Variants in RTN4 observed in about 807,000 individuals in gnomAD.
The protein encoded by RTN4 is reticulon 4.
In RTN4, 32 loss-of-function variants were observed where a neutral mutation model predicts 90.4. The ratio of observed to expected loss-of-function variants is 0.35; its 90% CI spans 0.27 to 0.48. RTN4 has a LOEUF of 0.48. Among genes scored for constraint, RTN4 ranks in the 20% least tolerant of loss-of-function variants. The pLI, the probability that RTN4 is intolerant of heterozygous loss-of-function variation, is 0.99. For missense variants in RTN4, 1,706 were observed against 1,430.2 expected, an observed-to-expected ratio of 1.19 and a Z score of -3.11; for synonymous variants, 629 against 552.5, an observed-to-expected ratio of 1.14 and a Z score of -1.94.
chr2:55,087,312 G>A (rs1668858761), intron 1 of RTN4, among the ~76,000 whole-genome samples: 1 of 152,144 alleles, frequency 6.6e-6, no homozygotes, highest in African/African-American at 2.4e-5. Flanking sequence ...AAGTGGTTGT[G>A]CTAATTTGTA....
chr2:54,987,920 A>G (rs1229647490), intron 3 of RTN4, among the ~76,000 whole-genome samples: 3 of 152,214 alleles, frequency 2.0e-5, no homozygotes, highest in African/African-American at 7.2e-5. Flanking sequence ...AATGTTTTTT[A>G]TTCAAATTTA....
At chr2:55,036,687 C>T (rs542450760) in intron 1 of RTN4, among the ~76,000 whole-genome samples, 53 of 151,204 alleles carry the variant, frequency 3.5e-4, no homozygotes, top group Non-Finnish European at 6.2e-4. Flanking sequence ...AACAACAGCC[C>T]GAAAAGGAAA....
At position 55,025,540 on chromosome 2, in the gene RTN4, T is replaced by C; in HGVS notation, c.2559A>G (p.Ile853Met). 1 of 1,613,796 alleles carries C rather than the reference T, an allele frequency of 6.2e-7. No individual in the cohort carries two copies. Among genetic ancestry groups the C allele is most frequent in the Non-Finnish European group, 8.5e-7 (1 of 1,179,844 alleles). Reference sequence around the variant, plus strand: ...AATCTGAAAACGTTTCAGTTTCTCTTATCTGTGCTTCCTTAGAAATAAATA... The same window carrying C: ...AATCTGAAAACGTTTCAGTTTCTCTCATCTGTGCTTCCTTAGAAATAAATA... ...DDLFISKEAQ[I>M]RETETFSDSS... The change falls in exon 3 of 9, where the codon ATA (isoleucine) becomes ATG (methionine). Residue 853 changes from isoleucine (I) to methionine (M), a missense_variant. Physicochemically the swap from Ile to Met is conservative, Grantham distance 10 (BLOSUM62 1). Transcript: ENST00000337526.
chr2:55,051,772 G>A (rs1668095082), upstream of RTN4, among the ~76,000 whole-genome samples: 1 of 152,188 alleles, frequency 6.6e-6, no homozygotes, highest in African/African-American at 2.4e-5. Flanking sequence ...CCTCCGAAAT[G>A]TAAAATATCT....
intron 5 of RTN4, among the ~76,000 whole-genome samples, chr2:54,980,695 C>A (rs1477231461): frequency 1.1e-4 from 17 of 152,032 alleles, no homozygotes; most frequent in Admixed American, 1.1e-3. Context: ...CTCTCCCCCA[C>A]CAATCTTTGA....
the RTN4 span, among the ~76,000 whole-genome samples, chr2:55,118,134 C>T: frequency 6.6e-6 from 1 of 152,010 alleles, no homozygotes; most frequent in African/African-American, 2.4e-5. Context: ...TGGATAGCAC[C>T]GATCTAGTCT....
intron 2 of RTN4, among the ~76,000 whole-genome samples, chr2:55,057,533 C>T (rs559310973): frequency 1.3e-5 from 2 of 152,260 alleles, no homozygotes; most frequent in African/African-American, 4.8e-5. Flanking sequence ...AATAAGGTCA[C>T]ATAGCTAAGG....
chr2:55,020,821 C>T (rs1458487789), intron 3 of RTN4, among the ~76,000 whole-genome samples: 4 of 151,990 alleles, frequency 2.6e-5, no homozygotes, highest in African/African-American at 9.7e-5. Context: ...CCAGCCTAGG[C>T]AACAAGGCAA....
At chr2:55,048,440 A>T (rs1261854583) in intron 1 of RTN4, among the ~76,000 whole-genome samples, 1 of 152,234 alleles carries the variant, frequency 6.6e-6, no homozygotes, top group East Asian at 1.9e-4. Context: ...CTTAAAACAC[A>T]AACACATTTT....
chr2:55,069,709 A>G (rs1276204443), intron 2 of RTN4, among the ~76,000 whole-genome samples: 1 of 152,186 alleles, frequency 6.6e-6, no homozygotes, highest in African/African-American at 2.4e-5. Context: ...GAGAGGCCCA[A>G]CCGACATTCC....
intron 1 of RTN4, among the ~76,000 whole-genome samples, chr2:55,101,575 GAACA>G (rs1667852895): frequency 6.6e-6 from 1 of 152,026 alleles, no homozygotes; most frequent in Non-Finnish European, 1.5e-5. Flanking sequence ...GAAATCTTTA[GAACA>G]ATCAACAAAC....
At chr2:55,110,678 T>C (rs1668022336) in intron 1 of RTN4, among the ~76,000 whole-genome samples, 1 of 152,178 alleles carries the variant, frequency 6.6e-6, no homozygotes, top group Non-Finnish European at 1.5e-5. Context: ...TAAATAAATG[T>C]CAAGGGTGTT....
intron 1 of RTN4, among the ~76,000 whole-genome samples, chr2:55,045,216 T>C (rs1266654852): frequency 6.6e-6 from 1 of 152,206 alleles, no homozygotes; most frequent in Non-Finnish European, 1.5e-5. Context: ...TCATGGCAAT[T>C]AAATTTTGGC....
At chr2:54,999,204 A>C (rs1428343458) in intron 3 of RTN4, among the ~76,000 whole-genome samples, 1 of 152,244 alleles carries the variant, frequency 6.6e-6, no homozygotes, top group Non-Finnish European at 1.5e-5. Context: ...TTATCAAAAT[A>C]AAATTTTAAT....
intron 2 of RTN4, among the ~76,000 whole-genome samples, chr2:55,069,305 C>G (rs529909882): frequency 6.6e-6 from 1 of 152,230 alleles, no homozygotes; most frequent in East Asian, 1.9e-4. Context: ...AAAAGTAATG[C>G]TTCTCATCCA....
At chr2:54,973,347 G>T in intron 8 of RTN4, 149 bp from the exon 9 acceptor site, 1 of 845,986 alleles carries the variant, frequency 1.2e-6, no homozygotes, top group Non-Finnish European at 1.9e-6. Context: ...TTGCCACCTT[G>T]GCCTCATGAA....
intron 1 of RTN4, among the ~76,000 whole-genome samples, chr2:55,094,944 C>T (rs73936831): frequency 0.031 from 4,699 of 152,160 alleles, 205 homozygotes; most frequent in African/African-American, 0.097. Flanking sequence ...CCATGGTTTC[C>T]GAGTGACCTC....
intron 3 of RTN4, 139 bp from the exon 4 acceptor site, chr2:54,987,837 CTAACTT>C: frequency 1.5e-6 from 1 of 687,674 alleles, no homozygotes; most frequent in South Asian, 1.9e-5. Flanking sequence ...TAAAGAAACA[CTAACTT>C]TATAACCCAC....
intron 1 of RTN4, chr2:55,049,181 C>A: frequency 1.0e-6 from 1 of 986,544 alleles, no homozygotes; most frequent in Non-Finnish European, 1.2e-6. Context: ...GGCCAGCTCC[C>A]CACGAGCACA....
Sources: allele counts gnomAD v4.1 joint callset (sites outside exome capture counted in the v4.1 genomes callset), GRCh38; gene constraint gnomAD v4.1.1; transcripts MANE v1.5; gene names NCBI Gene and HGNC (gene_info 2026-07-23, HGNC 2026-07-21).